Variants in CCND2 observed in about 807,000 individuals in gnomAD.
CCND2 encodes the protein G1/S-specific cyclin-D2.
A neutral mutation model predicts 30.2 loss-of-function variants in CCND2; 6 were observed. The ratio of observed to expected loss-of-function variants is 0.20; its 90% CI spans 0.11 to 0.39. The LOEUF is 0.39. Ranked by LOEUF, CCND2 falls within the 10% of genes least tolerant of loss-of-function variation. The pLI, the probability that CCND2 is intolerant of heterozygous loss-of-function variation, is 1.00. For synonymous variants in CCND2, 150 were observed against 153.1 expected (o/e 0.98, Z 0.15); for missense variants, 235 against 373.4 (o/e 0.63, Z 3.06).
At position 4,276,061 on chromosome 12, in the gene CCND2, G is replaced by A. The variant is rs878898553; in HGVS notation, c.252G>A (p.Leu84=). 6.2e-7 allele frequency: 1 copy of A among 1,611,218 alleles called. No individual in the cohort carries two copies. The highest frequency in any genetic ancestry group is 1.1e-5 in the South Asian group (1 of 91,030). Residue 84 remains leucine (L), a synonymous_variant, in exon 2 of 5, where the codon CTG becomes CTA. Transcript: ENST00000261254. The surrounding 1 kb of genome is among the most constrained non-coding windows in gnomAD (Gnocchi z 4.8). ...TCTTCCCTCTGGCCATGAATTACCT[G>A]GACCGTTTCTTGGCTGGGGTCCCGA... The part of the protein sequence containing the change: ...EEVFPLAMNY[L]DRFLAGVPTP...
At chr12:4,298,582 T>C (rs796462866) in intron 4 of CCND2, among the ~76,000 whole-genome samples, 5 of 152,310 alleles carry the variant, frequency 3.3e-5, no homozygotes, top group African/African-American at 1.2e-4. Flanking sequence ...GAGAATGCTT[T>C]TGGGCTTGGC....
At chr12:4,292,506 C>T (rs1864114463) in intron 4 of CCND2, among the ~76,000 whole-genome samples, 1 of 151,942 alleles carries the variant, frequency 6.6e-6, no homozygotes, top group Non-Finnish European at 1.5e-5. Context: ...GATGGCCAGG[C>T]GAGTCTCTGT....
chr12:4,286,590 G>T (rs937840514), intron 3 of CCND2, among the ~76,000 whole-genome samples: 1 of 152,226 alleles, frequency 6.6e-6, no homozygotes, highest in Non-Finnish European at 1.5e-5. Flanking sequence ...ACTCTGAGCT[G>T]CTGAGAGGCA....
At chr12:4,294,640 G>C (rs1005791297) in intron 4 of CCND2, among the ~76,000 whole-genome samples, 8 of 152,152 alleles carry the variant, frequency 5.3e-5, no homozygotes, top group Non-Finnish European at 8.8e-5. Flanking sequence ...GAAATTGGAG[G>C]CTTGCCCTTT....
chr12:4,276,046 G>C lies in CCND2; in HGVS notation c.237G>C (p.Leu79=). The part of the protein sequence containing the change: ...EQKCEEEVFP[L]AMNYLDRFLA... The stretch of plus-strand genomic sequence containing the variant: ...AGTGCGAAGAAGAGGTCTTCCCTCT[G>C]GCCATGAATTACCTGGACCGTTTCT... The change falls in exon 2 of 5, where the codon CTG becomes CTC. Residue 79 remains leucine, a synonymous_variant. Coordinates refer to ENST00000261254, the MANE Select transcript of CCND2 (RefSeq NM_001759.4). This position sits in a 1 kb window ranked among gnomAD's most constrained non-coding sequence, Gnocchi z 4.8. 4 of 1,607,772 alleles carry C rather than the reference G, an allele frequency of 2.5e-6. No individual in the cohort carries two copies. Among genetic ancestry groups the C allele is most frequent in the Non-Finnish European group, 3.4e-6 (4 of 1,179,028 alleles).
chr12:4,292,276 C>G (rs988862189), intron 4 of CCND2, among the ~76,000 whole-genome samples: 2 of 152,110 alleles, frequency 1.3e-5, no homozygotes, highest in Admixed American at 6.5e-5. Context: ...AAGTGAAATA[C>G]ACAGGACCAC....
chr12:4,281,663 G>T (rs951444974), intron 3 of CCND2, among the ~76,000 whole-genome samples: 2 of 152,140 alleles, frequency 1.3e-5, no homozygotes, highest in Admixed American at 6.5e-5. Flanking sequence ...CCCTCAGGCC[G>T]TGCAGCTATT....
chr12:4,297,581 A>C (rs915865022), intron 4 of CCND2, among the ~76,000 whole-genome samples: 7 of 151,128 alleles, frequency 4.6e-5, no homozygotes, highest in African/African-American at 1.5e-4. Context: ...AAAAAAAAAA[A>C]AAAAAAAAAA....
rs371529512 is a variant in CCND2, at chr12:4,278,939, G to T, written c.571+20G>T. 3.8e-6 allele frequency: 6 copies of T among 1,593,936 alleles called. No homozygotes were observed. On this transcript the variant is annotated intron_variant, in intron 3 of 4. Coordinates refer to ENST00000261254, the MANE Select transcript of CCND2 (RefSeq NM_001759.4). Reference sequence around the variant, plus strand: ...CCACCGGTAAGATGAGGCTTGAGCCGGGGAGGGAGATGGGGGAGCTCTTTT... The same window carrying T: ...CCACCGGTAAGATGAGGCTTGAGCCTGGGAGGGAGATGGGGGAGCTCTTTT...
At chr12:4,292,704 T>C (rs1238868095) in intron 4 of CCND2, among the ~76,000 whole-genome samples, 1 of 152,172 alleles carries the variant, frequency 6.6e-6, no homozygotes, top group Non-Finnish European at 1.5e-5. Context: ...TTTTAAATAC[T>C]TTTTCCTTCC....
At position 4,278,934 on chromosome 12, in the gene CCND2, G is replaced by C. The variant is rs746305500; in HGVS notation, c.571+15G>C. ...GTGTGCCACCGGTAAGATGAGGCTT[G>C]AGCCGGGGAGGGAGATGGGGGAGCT... On this transcript the variant is annotated intron_variant, in intron 3 of 4. Transcript: ENST00000261254. 4.4e-6 allele frequency: 7 copies of C among 1,598,094 alleles called. No individual in the cohort carries two copies. In the Admixed American group the frequency reaches 1.2e-4, roughly 27 times the overall value.
intron 4 of CCND2, among the ~76,000 whole-genome samples, chr12:4,291,207 C>CTGTGTGTGTGTGTGTGTGTGGGTGTG (rs1864096190): frequency 7.2e-6 from 1 of 138,716 alleles, no homozygotes; most frequent in African/African-American, 2.6e-5. Context: ...CTGGGCTAGG[C>CTGTGTGTGTGTGTGTGTGTGGGTGTG]TGTGTGTGTG....
intron 3 of CCND2, among the ~76,000 whole-genome samples, chr12:4,280,813 CT>C (rs1863938318): frequency 6.6e-6 from 1 of 152,238 alleles, no homozygotes; most frequent in Admixed American, 6.5e-5. Context: ...ACTAACAGAT[CT>C]TTTGGGGTCT....
In CCND2 at chr12:4,299,940, C is replaced by A; in HGVS notation, c.801C>A (p.Asp267Glu). ...AGCAGTACCGTCAGGACCAACGTGACGGATCCAAGTCGGAGGATGAACTGG... is the reference window on the plus strand; with the variant it reads ...AGCAGTACCGTCAGGACCAACGTGAAGGATCCAAGTCGGAGGATGAACTGG... Reference protein sequence around the residue: ...SLQQYRQDQRDGSKSEDELDQ... With the variant: ...SLQQYRQDQREGSKSEDELDQ... The change falls in exon 5 of 5, where the codon GAC becomes GAA. Residue 267 changes from aspartate to glutamate, a missense_variant. By Grantham distance (45) the Asp-to-Glu change is conservative. Around this residue, in one of 2 missense-constraint regions of CCND2, gnomAD observed 57 missense variants for 50.7 expected, o/e 1.12. Coordinates refer to ENST00000261254, the MANE Select transcript of CCND2 (RefSeq NM_001759.4). The surrounding 1 kb of genome is among the most constrained non-coding windows in gnomAD (Gnocchi z 5.2). The A allele has an allele frequency of 6.2e-7, 1 of 1,614,134 alleles. No individual in the cohort carries two copies. Among genetic ancestry groups the A allele is most frequent in the Non-Finnish European group, 8.5e-7 (1 of 1,180,026 alleles).
Position 4,301,683 on chromosome 12 carries a change from G to GGT in CCND2, c.*1675_*1676dup. 1 of 210,034 alleles carries GGT rather than the reference G, an allele frequency of 4.8e-6. No individual in the cohort carries two copies. Among genetic ancestry groups the GGT allele is most frequent in the East Asian group, 6.6e-5 (1 of 15,066 alleles). 13.0% of individuals were successfully genotyped at this position (210,034 alleles called of 1,614,324 possible). On this transcript the variant is annotated 3_prime_UTR_variant, in exon 5 of 5. Transcript: ENST00000261254. ...TTTTTAATTTTGTTTTGTTCAGTTT[G>GGT]GTTTTTTTTTTTTTTTGCGCTGCTA...
chr12:4,289,343 G>A (rs888077926), intron 4 of CCND2, among the ~76,000 whole-genome samples: 14 of 152,146 alleles, frequency 9.2e-5, no homozygotes, highest in African/African-American at 2.9e-4. Context: ...AAGAGCTGCC[G>A]TGTCTGCTTT....
Position 4,299,746 on chromosome 12 carries a change from T to C in CCND2, c.721-114T>C. 1 of 1,059,558 alleles carries C rather than the reference T, an allele frequency of 9.4e-7. No homozygotes were observed. Among genetic ancestry groups the C allele is most frequent in the Non-Finnish European group, 1.4e-6 (1 of 733,056 alleles). 65.6% of individuals were successfully genotyped at this position (1,059,558 alleles called of 1,614,324 possible). A position where few individuals can be genotyped will look rare whatever the true frequency, so the allele number is the denominator to read the frequency against. ...CATCCCTCCTTTACTTCACATTTAT[T>C]TCTACTGGAAACTAGCACAGACTTA... On this transcript the variant is annotated intron_variant, in intron 4 of 4. Transcript: ENST00000261254. This position sits in a 1 kb window ranked among gnomAD's most constrained non-coding sequence, Gnocchi z 5.2.
chr12:4,286,801 G>C (rs1864029281), intron 3 of CCND2, among the ~76,000 whole-genome samples: 1 of 152,238 alleles, frequency 6.6e-6, no homozygotes. Flanking sequence ...TGCTAGCAGT[G>C]GGACAGCAGA....
Position 4,274,001 on chromosome 12 carries a change from G to A in CCND2, c.-40G>A. 32 of 1,586,438 alleles carry A rather than the reference G, an allele frequency of 2.0e-5. No homozygotes were observed. The highest frequency in any genetic ancestry group is 2.7e-5 in the Non-Finnish European group (32 of 1,164,890). Reference sequence around the variant, plus strand: ...CAAAAACAGAAAAACCTTTTTCCAGGCCGGGGAAAGCAGGAGGGAGAGGGG... The same window carrying A: ...CAAAAACAGAAAAACCTTTTTCCAGACCGGGGAAAGCAGGAGGGAGAGGGG... On this transcript the variant is annotated 5_prime_UTR_variant, in exon 1 of 5. Coordinates refer to ENST00000261254, the MANE Select transcript of CCND2 (RefSeq NM_001759.4). The surrounding 1 kb of genome is among the most constrained non-coding windows in gnomAD (Gnocchi z 7.7).
Sources: allele counts gnomAD v4.1 joint callset (sites outside exome capture counted in the v4.1 genomes callset), GRCh38; gene constraint gnomAD v4.1.1; regional missense constraint gnomAD v4.1.1; non-coding constraint Gnocchi (gnomAD v3.1); transcripts MANE v1.5; gene names NCBI Gene and HGNC (gene_info 2026-07-23, HGNC 2026-07-21).